CTNNA3: variants seen among roughly 807,000 people sequenced by gnomAD.
CTNNA3 encodes catenin alpha-3.
A neutral mutation model predicts 95.7 loss-of-function variants in CTNNA3; 76 were observed. The observed-to-expected ratio is 0.79, with a 90% CI of 0.66 to 0.96. The LOEUF is 0.96. Ranked by LOEUF, CTNNA3 falls within the 40% of genes least tolerant of loss-of-function variation. The probability of loss-of-function intolerance (pLI) is 0.00; values close to 1 mark genes in which losing one functional copy is unlikely to be tolerated. For missense variants in CTNNA3, 1,191 were observed against 1,089.8 expected (o/e 1.09, Z -1.31); for synonymous variants, 431 against 374.4 (o/e 1.15, Z -1.74).
At chr10:66,378,607 G>A (rs1324046487) in intron 12 of CTNNA3, among the ~76,000 whole-genome samples, 1 of 152,088 alleles carries the variant, frequency 6.6e-6, no homozygotes, top group Non-Finnish European at 1.5e-5. Context: ...CTGGTTTTTC[G>A]AAAATACTAA....
chr10:67,111,984 T>C (rs1858931257), intron 7 of CTNNA3, among the ~76,000 whole-genome samples: 1 of 152,120 alleles, frequency 6.6e-6, no homozygotes. Flanking sequence ...ACAGTGTATT[T>C]CAATCACTTC....
chr10:67,029,370 G>C (rs1356562937), intron 7 of CTNNA3, among the ~76,000 whole-genome samples: 1 of 152,158 alleles, frequency 6.6e-6, no homozygotes, highest in African/African-American at 2.4e-5. Flanking sequence ...AGCTGGTTCA[G>C]AGCAGGTTGA....
intron 9 of CTNNA3, among the ~76,000 whole-genome samples, chr10:66,742,573 G>A (rs867179997): frequency 6.6e-6 from 1 of 151,978 alleles, no homozygotes; most frequent in East Asian, 1.9e-4. Context: ...ACGGCTCAGG[G>A]GGCATCACAG....
chr10:66,565,056 TC>T (rs1173428736), intron 10 of CTNNA3, among the ~76,000 whole-genome samples: 1 of 152,174 alleles, frequency 6.6e-6, no homozygotes, highest in Non-Finnish European at 1.5e-5. Context: ...ATTCCAAGTT[TC>T]AAATTACTGA....
In CTNNA3 at chr10:66,649,433, A is replaced by C. The variant is rs555702849; in HGVS notation, c.1282-27649T>G. On this transcript the variant is annotated intron_variant, in intron 9 of 17. Coordinates refer to ENST00000433211, the MANE Select transcript of CTNNA3 (RefSeq NM_013266.4). ...ACACACTGATAAAGGTAAGAAGGACAGTTTTAAATCACCTGTGAAGCCGCT... is the reference window on the plus strand; with the variant it reads ...ACACACTGATAAAGGTAAGAAGGACCGTTTTAAATCACCTGTGAAGCCGCT... Among the ~76,000 whole-genome samples, 4 of 152,322 alleles carry C rather than the reference A, an allele frequency of 2.6e-5. No individual in the cohort carries two copies. In the South Asian group the frequency reaches 8.3e-4, roughly 32 times the overall value.
intron 13 of CTNNA3, among the ~76,000 whole-genome samples, chr10:66,121,456 T>C (rs1462269363): frequency 6.6e-6 from 1 of 151,544 alleles, no homozygotes; most frequent in Non-Finnish European, 1.5e-5. Flanking sequence ...CTTTTTTTAA[T>C]ACAACATACA....
At chr10:67,238,549 A>G (rs935780584) in intron 5 of CTNNA3, among the ~76,000 whole-genome samples, 87 of 152,288 alleles carry the variant, frequency 5.7e-4, no homozygotes, top group African/African-American at 2.0e-3. Flanking sequence ...ATCATACCTT[A>G]AGATAACAAA....
intron 9 of CTNNA3, among the ~76,000 whole-genome samples, chr10:66,644,296 C>CTG (rs1564589831): frequency 6.9e-4 from 64 of 92,120 alleles, no homozygotes; most frequent in East Asian, 3.5e-3. Context: ...CTGTCTGTCT[C>CTG]TCTCTCTCTC....
At chr10:66,570,233 A>G (rs1334647542) in intron 10 of CTNNA3, among the ~76,000 whole-genome samples, 1 of 152,134 alleles carries the variant, frequency 6.6e-6, no homozygotes, top group African/African-American at 2.4e-5. Context: ...AAAATCTTAA[A>G]GGCAATAGAT....
rs58802869 is a variant in CTNNA3 at position 66,315,506 on chromosome 10, TTGTGTG to T, written c.1733-34891_1733-34886del. ...AGGGGCTCTAAAAATCTGACTTCTC[TTGTGTG>T]TGTGTGTGTGTGTGTGTGTAAATAA... On this transcript the variant is annotated intron_variant, in intron 12 of 17. Coordinates refer to ENST00000433211, the MANE Select transcript of CTNNA3 (RefSeq NM_013266.4). Among the ~76,000 whole-genome samples, 945 of 149,796 alleles carry T rather than the reference TTGTGTG, an allele frequency of 6.3e-3. 9 individuals carry two copies. The highest frequency in any genetic ancestry group is 0.011 in the Non-Finnish European group (712 of 67,198).
At chr10:66,983,888 G>T (rs185854284) in intron 7 of CTNNA3, among the ~76,000 whole-genome samples, 2 of 152,316 alleles carry the variant, frequency 1.3e-5, no homozygotes, top group Admixed American at 6.5e-5. Context: ...CACTTGCTAG[G>T]TGATAGGCTC....
chr10:66,252,306 G>A (rs959541496), intron 13 of CTNNA3, among the ~76,000 whole-genome samples: 1 of 151,996 alleles, frequency 6.6e-6, no homozygotes, highest in East Asian at 1.9e-4. Flanking sequence ...ATTTGCCTAG[G>A]CATCAAATGT....
intron 13 of CTNNA3, among the ~76,000 whole-genome samples, chr10:66,131,434 T>A (rs2083099952): frequency 6.6e-6 from 1 of 152,256 alleles, no homozygotes; most frequent in East Asian, 1.9e-4. Context: ...AAATGTGAAC[T>A]AATGAAGAAA....
intron 5 of CTNNA3, among the ~76,000 whole-genome samples, chr10:67,512,667 G>A (rs1006243701): frequency 2.6e-5 from 4 of 151,198 alleles, no homozygotes; most frequent in Non-Finnish European, 5.9e-5. Context: ...CTACAGTGTT[G>A]TAATATTATT....
intron 11 of CTNNA3, among the ~76,000 whole-genome samples, chr10:66,490,337 G>T (rs531138318): frequency 2.0e-5 from 3 of 152,094 alleles, no homozygotes; most frequent in Admixed American, 6.6e-5. Context: ...GACAAAAGTT[G>T]AGGAGCAATA....
At chr10:67,189,151 A>AAC (rs1169338321) in intron 6 of CTNNA3, among the ~76,000 whole-genome samples, 1 of 151,996 alleles carries the variant, frequency 6.6e-6, no homozygotes, top group Non-Finnish European at 1.5e-5. Context: ...ACAAAAAAAA[A>AAC]AACAGAAAAT....
At chr10:66,238,418 A>G (rs2132031325) in intron 13 of CTNNA3, among the ~76,000 whole-genome samples, 1 of 152,130 alleles carries the variant, frequency 6.6e-6, no homozygotes, top group Admixed American at 6.5e-5. Context: ...TATAATAGTT[A>G]TTTGAAATTA....
At chr10:66,447,728 A>C (rs900794610) in intron 11 of CTNNA3, among the ~76,000 whole-genome samples, 10 of 152,116 alleles carry the variant, frequency 6.6e-5, no homozygotes, top group Admixed American at 5.9e-4. Flanking sequence ...AAATCCTAGA[A>C]GAAAACCTAG....
chr10:66,084,158 GAAAAAGAA>G (rs2080884379), intron 14 of CTNNA3, among the ~76,000 whole-genome samples: 1 of 135,258 alleles, frequency 7.4e-6, no homozygotes, highest in South Asian at 2.6e-4. Flanking sequence ...GAAAAAAAAA[GAAAAAGAA>G]AAAAAGAAAA....
Sources: gnomAD v4.1 joint callset for allele counts (sites outside exome capture counted in the v4.1 genomes callset) on GRCh38, gnomAD v4.1.1 for gene constraint, MANE v1.5 for transcripts, NCBI Gene and HGNC (gene_info 2026-07-23, HGNC 2026-07-21) for gene names.